POLDIP3: variants seen among roughly 807,000 people sequenced by gnomAD.
POLDIP3 encodes the protein polymerase delta-interacting protein 3.
POLDIP3 carries 14 observed loss-of-function variants against 45.1 expected under a neutral mutation model. That is an observed-to-expected ratio of 0.31 (90% CI 0.20 to 0.49). POLDIP3 has a LOEUF of 0.49. Among genes scored for constraint, POLDIP3 ranks in the 20% least tolerant of loss-of-function variants. The probability of loss-of-function intolerance (pLI) is 0.99; values close to 1 mark genes in which losing one functional copy is unlikely to be tolerated. For synonymous variants in POLDIP3, 223 were observed against 205.2 expected, an observed-to-expected ratio of 1.09 and a Z score of -0.74; for missense variants, 511 against 538.8, an observed-to-expected ratio of 0.95 and a Z score of 0.51.
rs1569293119 is a variant in POLDIP3 at position 42,585,166 on chromosome 22, G to C, written c.*625C>G. On this transcript the variant is annotated 3_prime_UTR_variant, in exon 9 of 9. Coordinates refer to ENST00000252115, the MANE Select transcript of POLDIP3 (RefSeq NM_032311.5). The stretch of plus-strand genomic sequence containing the variant: ...CACGGGACTCCAAGCCAAGAGCTTA[G>C]ATAGACTCTTCCCAGCGGTGCAGCC... 4.3e-6 allele frequency: 2 copies of C among 467,810 alleles called. No individual in the cohort carries two copies. The highest frequency in any genetic ancestry group is 8.5e-6 in the Non-Finnish European group (2 of 234,464). The allele number at this position is 467,810 out of a possible 1,614,324, so 29.0% of individuals were successfully genotyped here.
chr22:42,585,363 G>A lies in POLDIP3; in HGVS notation c.*428C>T. ...GGGCTCTCCATCCCCTCCATTGTTT[G>A]AAAAGCTTAATACACACAAAGGAAA... On this transcript the variant is annotated 3_prime_UTR_variant, in exon 9 of 9. Transcript: ENST00000252115. The A allele has an allele frequency of 2.3e-6, 1 of 432,790 alleles. No homozygotes were observed. Among genetic ancestry groups the A allele is most frequent in the Non-Finnish European group, 4.6e-6 (1 of 216,814 alleles). 26.8% of individuals were successfully genotyped at this position (432,790 alleles called of 1,614,324 possible).
chr22:42,594,717 C>A (rs761051506), intron 6 of POLDIP3, among the ~76,000 whole-genome samples: 4 of 152,282 alleles, frequency 2.6e-5, no homozygotes, highest in South Asian at 2.1e-4. Flanking sequence ...GTCCTAGCTG[C>A]ATCCAGAACC....
chr22:42,602,649 G>T, intron 2 of POLDIP3, 121 bp downstream of exon 2: 1 of 1,169,334 alleles, frequency 8.6e-7, no homozygotes, highest in Non-Finnish European at 1.2e-6. Flanking sequence ...AAGGAGCAAA[G>T]TCTGTATTAT....
chr22:42,594,116 C>T (rs1043801097), intron 6 of POLDIP3, among the ~76,000 whole-genome samples: 2 of 152,152 alleles, frequency 1.3e-5, no homozygotes, highest in African/African-American at 4.8e-5. Flanking sequence ...CAAAAATTAG[C>T]CGGGTGTGGT....
At chr22:42,596,465 G>T in intron 4 of POLDIP3, 100 bp from the exon 5 acceptor site, 1 of 1,148,112 alleles carries the variant, frequency 8.7e-7, no homozygotes, top group Non-Finnish European at 1.2e-6. Context: ...AACCCTCGAT[G>T]CCTCCCAGCT....
intron 1 of POLDIP3, among the ~76,000 whole-genome samples, chr22:42,610,409 T>C (rs1221045321): frequency 6.6e-6 from 1 of 151,936 alleles, no homozygotes; most frequent in Non-Finnish European, 1.5e-5. Context: ...CCCAACAACC[T>C]CCCACTTCCA....
At chr22:42,600,504 T>C (rs1352445739) in intron 3 of POLDIP3, among the ~76,000 whole-genome samples, 3 of 152,048 alleles carry the variant, frequency 2.0e-5, no homozygotes, top group South Asian at 4.2e-4. Context: ...CATGCGCCTG[T>C]AGTCCCAGCT....
rs1926493204 is a variant in POLDIP3 at position 42,602,968 on chromosome 22, T to C, written c.252A>G (p.Arg84=). The change falls in exon 2 of 9, where the codon CGA becomes CGG. Residue 84 remains arginine (R), a synonymous_variant. Transcript: ENST00000252115. ...AREKLLQKDA[R]FRIKGKVQDA... ...CCTGCACTTTCCCTTTGATTCGAAA[T>C]CGGGCATCTTTCTGCAAAAGCTTCT... is the stretch of plus-strand genomic sequence containing the variant. 1.9e-6 allele frequency: 3 copies of C among 1,613,996 alleles called. No homozygotes were observed. The highest frequency in any genetic ancestry group is 1.7e-5 in the Admixed American group (1 of 60,000).
chr22:42,605,822 G>A (rs1926689424), intron 1 of POLDIP3, among the ~76,000 whole-genome samples: 1 of 152,140 alleles, frequency 6.6e-6, no homozygotes, highest in Non-Finnish European at 1.5e-5. Flanking sequence ...AGACAAACTG[G>A]GACTATGCTT....
At chr22:42,608,840 G>A (rs1290415145) in intron 1 of POLDIP3, among the ~76,000 whole-genome samples, 1 of 152,156 alleles carries the variant, frequency 6.6e-6, no homozygotes, top group East Asian at 1.9e-4. Flanking sequence ...GTGGGAGGGA[G>A]TAAGCTATTT....
intron 1 of POLDIP3, among the ~76,000 whole-genome samples, chr22:42,610,732 G>C (rs1927068706): frequency 6.6e-6 from 1 of 152,086 alleles, no homozygotes; most frequent in African/African-American, 2.4e-5. Flanking sequence ...GCGAGACCTT[G>C]TCTCTACAGA....
intron 4 of POLDIP3, among the ~76,000 whole-genome samples, chr22:42,596,707 A>G (rs962421805): frequency 1.7e-4 from 26 of 152,196 alleles, no homozygotes; most frequent in African/African-American, 5.3e-4. Flanking sequence ...AAATTCTACA[A>G]TATGAGGCTG....
At chr22:42,606,693 T>C (rs1231886419) in intron 1 of POLDIP3, among the ~76,000 whole-genome samples, 1 of 152,222 alleles carries the variant, frequency 6.6e-6, no homozygotes, top group Non-Finnish European at 1.5e-5. Flanking sequence ...GCAGTGATCA[T>C]AGCTCACTAC....
rs963424274 is a variant in POLDIP3 at position 42,595,396 on chromosome 22, G to A, written c.891+141C>T. 1.1e-5 allele frequency: 8 copies of A among 731,754 alleles called. No homozygotes were observed. The Admixed American group carries it at 1.6e-4, about 15-fold the overall frequency. 45.3% of individuals were successfully genotyped at this position (731,754 alleles called of 1,614,324 possible). A position where few individuals can be genotyped will look rare whatever the true frequency, so the allele number is the denominator to read the frequency against. On this transcript the variant is annotated intron_variant, in intron 6 of 8. Coordinates refer to ENST00000252115, the MANE Select transcript of POLDIP3 (RefSeq NM_032311.5). Reference sequence around the variant, plus strand: ...GCCATTTGCTCTGCATCCTTTTGCTGTCATTAGTCTCAGCCCTGAGCGTGA... The same window carrying A: ...GCCATTTGCTCTGCATCCTTTTGCTATCATTAGTCTCAGCCCTGAGCGTGA...
intron 7 of POLDIP3, among the ~76,000 whole-genome samples, chr22:42,588,887 G>C (rs1898879634): frequency 6.6e-6 from 1 of 152,122 alleles, no homozygotes; most frequent in Non-Finnish European, 1.5e-5. Context: ...GATTACAGGA[G>C]TGAGCCATTG....
chr22:42,603,043 C>T lies in POLDIP3; in HGVS notation c.177G>A (p.Lys59=). The T allele has an allele frequency of 6.2e-7, 1 of 1,614,170 alleles. No homozygotes were observed. The highest frequency in any genetic ancestry group is 8.5e-7 in the Non-Finnish European group (1 of 1,180,012). ...TGAGCCGGGCATCTGAGAGGCCAAT[C>T]TTCTGCCGGGCATCAAATCTCTGCT... ...TFQQRFDARQ[K]IGLSDARLKL... Residue 59 remains lysine (K), a synonymous_variant, in exon 2 of 9, where the codon AAG becomes AAA. Coordinates refer to ENST00000252115, the MANE Select transcript of POLDIP3 (RefSeq NM_032311.5).
At chr22:42,607,850 A>C (rs1466891549) in intron 1 of POLDIP3, among the ~76,000 whole-genome samples, 1 of 146,286 alleles carries the variant, frequency 6.8e-6, no homozygotes, top group South Asian at 2.2e-4. Flanking sequence ...CCGTCTGGGA[A>C]GTGAGGAGCC....
intron 1 of POLDIP3, among the ~76,000 whole-genome samples, chr22:42,607,906 G>T (rs1026046221): frequency 6.6e-6 from 1 of 150,746 alleles, no homozygotes; most frequent in Non-Finnish European, 1.5e-5. Flanking sequence ...GAGCGTCTCC[G>T]CCCGGCAGCC....
chr22:42,607,921 C>A (rs554589830), intron 1 of POLDIP3, among the ~76,000 whole-genome samples: 17 of 151,870 alleles, frequency 1.1e-4, no homozygotes, highest in Non-Finnish European at 2.4e-4. Flanking sequence ...GCAGCCGCCC[C>A]GTCTGGGAGG....
Sources: gnomAD v4.1 joint callset for allele counts (sites outside exome capture counted in the v4.1 genomes callset) on GRCh38, gnomAD v4.1.1 for gene constraint, MANE v1.5 for transcripts, NCBI Gene and HGNC (gene_info 2026-07-23, HGNC 2026-07-21) for gene names.